The following GBF1 variants were observed in gnomAD, a reference collection of about 807,000 sequenced individuals.
GBF1 encodes Golgi-specific brefeldin A-resistance guanine nucleotide exchange factor 1.
In GBF1, 114 loss-of-function variants were observed where a neutral mutation model predicts 210.5. That is an observed-to-expected ratio of 0.54 (90% confidence interval 0.47 to 0.63). The LOEUF (loss-of-function observed/expected upper bound fraction) is 0.63. Among genes scored for constraint, GBF1 ranks in the 30% least tolerant of loss-of-function variants. The pLI is 0.00. For synonymous variants in GBF1, 850 were observed against 889.2 expected, an observed-to-expected ratio of 0.96 and a Z score of 0.78; for missense variants, 1,851 against 2,357.7, an observed-to-expected ratio of 0.79 and a Z score of 4.45.
chr10:102,366,933 A>G lies in GBF1; in HGVS notation c.2434-152A>G. The G allele has an allele frequency of 1.2e-6, 1 of 800,222 alleles. No homozygotes were observed. The allele number at this position is 800,222 out of a possible 1,614,324, so 49.6% of individuals were successfully genotyped here. On this transcript the variant is annotated intron_variant, in intron 19 of 39. Coordinates refer to ENST00000369983, the MANE Select transcript of GBF1 (RefSeq NM_001377137.1). The surrounding 1 kb of genome is among the most constrained non-coding windows in gnomAD (Gnocchi z 4.0). ...GAGCAAAATTAGTGACCTTTCCACA[A>G]AGAGATCAGCTTCTGTTAAGGAGTT...
At chr10:102,371,479 G>C (rs1261561426) in intron 29 of GBF1, among the ~76,000 whole-genome samples, 1 of 152,184 alleles carries the variant, frequency 6.6e-6, no homozygotes, top group East Asian at 1.9e-4. Context: ...GCTCAACATA[G>C]TAACTTTGTC....
intron 3 of GBF1, among the ~76,000 whole-genome samples, chr10:102,310,578 A>G (rs999593795): frequency 1.3e-5 from 2 of 152,210 alleles, no homozygotes; most frequent in Admixed American, 6.5e-5. Flanking sequence ...TTGCAGCATC[A>G]TTAACCTAGG....
At chr10:102,315,665 G>A (rs1212092006) in intron 3 of GBF1, among the ~76,000 whole-genome samples, 1 of 152,126 alleles carries the variant, frequency 6.6e-6, no homozygotes, top group Non-Finnish European at 1.5e-5. Context: ...AAAATCTAAT[G>A]TCGTCGCTAA....
chr10:102,239,320 T>C, the GBF1 span, among the ~76,000 whole-genome samples: 3 of 152,240 alleles, frequency 2.0e-5, no homozygotes, highest in African/African-American at 7.2e-5. Context: ...CTTTGGCCTT[T>C]TTGGCAAAAG....
chr10:102,322,607 TGTG>T (rs2056503102), intron 3 of GBF1, among the ~76,000 whole-genome samples: 1 of 150,742 alleles, frequency 6.6e-6, no homozygotes, highest in Admixed American at 6.7e-5. Flanking sequence ...TCTCCTTACA[TGTG>T]GTGTCTCATG....
rs1196780719 is a variant in GBF1, at chr10:102,376,421, G to A, written c.4036G>A (p.Gly1346Ser). 2 of 1,614,062 alleles carry A rather than the reference G, an allele frequency of 1.2e-6. No individual in the cohort carries two copies. The highest frequency in any genetic ancestry group is 2.2e-5 in the East Asian group (1 of 44,900). Residue 1346 changes from glycine to serine, a missense_variant, in exon 31 of 40, where the codon GGT becomes AGT. Gly to Ser is a moderately conservative substitution (Grantham distance 56). Coordinates refer to ENST00000369983, the MANE Select transcript of GBF1 (RefSeq NM_001377137.1). The part of the protein sequence containing the change: ...SATDADVVNS[G>S]WLVVGKDDVD... ...CACAGATGCCGATGTGGTCAACAGT[G>A]GTTGGTTAGTGGTGAGTGACAATAT... is the stretch of plus-strand genomic sequence containing the variant.
At position 102,366,407 on chromosome 10, in the gene GBF1, A is replaced by T. The variant is rs1396230743; in HGVS notation, c.2334A>T (p.Arg778=). 47 of 1,613,826 alleles carry T rather than the reference A, an allele frequency of 2.9e-5. No individual in the cohort carries two copies. Among genetic ancestry groups the T allele is most frequent in the Non-Finnish European group, 3.9e-5 (46 of 1,179,926 alleles). ...GCACCTTCAGTTTTCAGGGTCTGCG[A>T]CTGGACGAAGCCCTCCGCCTCTACC... The part of the protein sequence containing the change: ...FVSTFSFQGL[R]LDEALRLYLE... The change falls in exon 19 of 40, where the codon CGA becomes CGT. Residue 778 remains arginine, a synonymous_variant. Coordinates refer to ENST00000369983, the MANE Select transcript of GBF1 (RefSeq NM_001377137.1). The surrounding 1 kb of genome is among the most constrained non-coding windows in gnomAD (Gnocchi z 4.0).
At chr10:102,264,645 C>G (rs1027257847) in intron 3 of GBF1, among the ~76,000 whole-genome samples, 5 of 152,194 alleles carry the variant, frequency 3.3e-5, no homozygotes, top group Admixed American at 1.3e-4. Flanking sequence ...CCTTCTCCCC[C>G]CTCCCTGTCT....
At chr10:102,352,410 T>C in intron 6 of GBF1, 48 bp from the exon 7 acceptor site, 2 of 1,287,622 alleles carry the variant, frequency 1.6e-6, no homozygotes, top group South Asian at 1.2e-5. Context: ...CTCTTGATAA[T>C]AGCACAGCAA....
chr10:102,377,073 G>A lies in GBF1; in HGVS notation c.4427G>A (p.Ser1476Asn). The A allele has an allele frequency of 6.2e-7, 1 of 1,614,192 alleles. No homozygotes were observed. The highest frequency in any genetic ancestry group is 8.5e-7 in the Non-Finnish European group (1 of 1,180,026). Residue 1476 changes from serine (S) to asparagine (N), a missense_variant, in exon 33 of 40, where the codon AGT becomes AAT. Transcript: ENST00000369983. ...SSQHASRGGQ[S>N]DDDEDEGVPA... ...CAACATGCCTCTCGGGGCGGGCAGA[G>A]TGATGATGATGAGGACGAAGGCGTG... is the stretch of plus-strand genomic sequence containing the variant.
rs550290232 is a variant in GBF1 at position 102,363,904 on chromosome 10, G to A, written c.2106+106G>A. 54 of 686,186 alleles carry A rather than the reference G, an allele frequency of 7.9e-5. No individual in the cohort carries two copies. The highest frequency in any genetic ancestry group is 7.7e-4 in the Middle Eastern group (3 of 3,904). The allele number at this position is 686,186 out of a possible 1,614,324, so 42.5% of individuals were successfully genotyped here. A position where few individuals can be genotyped will look rare whatever the true frequency, so the allele number is the denominator to read the frequency against. ...GGAGAGTCTAGCACCTCATTGTACAGCTTCCTGAGGCCAGTCTTTGGGCTT... is the reference window on the plus strand; with the variant it reads ...GGAGAGTCTAGCACCTCATTGTACAACTTCCTGAGGCCAGTCTTTGGGCTT... On this transcript the variant is annotated intron_variant, in intron 17 of 39. Transcript: ENST00000369983. This position sits in a 1 kb window ranked among gnomAD's most constrained non-coding sequence, Gnocchi z 4.2.
intron 3 of GBF1, among the ~76,000 whole-genome samples, chr10:102,293,629 A>G (rs2076619395): frequency 6.6e-6 from 1 of 152,132 alleles, no homozygotes; most frequent in Non-Finnish European, 1.5e-5. Context: ...GACACTCTGT[A>G]GGCCTAGGCC....
the GBF1 span, among the ~76,000 whole-genome samples, chr10:102,240,365 G>A: frequency 6.6e-6 from 1 of 152,204 alleles, no homozygotes; most frequent in Non-Finnish European, 1.5e-5. Context: ...GAATTGAAGG[G>A]GGCATGTGTC....
At chr10:102,372,112 G>A (rs1166225760) in intron 29 of GBF1, among the ~76,000 whole-genome samples, 3 of 151,558 alleles carry the variant, frequency 2.0e-5, no homozygotes, top group African/African-American at 4.9e-5. Flanking sequence ...TCGGGAGGCT[G>A]AGGCAGGAGA....
chr10:102,295,125 A>C (rs1406689366), intron 3 of GBF1, among the ~76,000 whole-genome samples: 2 of 152,218 alleles, frequency 1.3e-5, no homozygotes. Flanking sequence ...AGTTTTTCAG[A>C]TTAAAGGATA....
the GBF1 span, among the ~76,000 whole-genome samples, chr10:102,237,457 G>A: frequency 6.6e-6 from 1 of 152,140 alleles, no homozygotes; most frequent in Non-Finnish European, 1.5e-5. Context: ...AGAGAAACGA[G>A]TCAAACCGAG....
At chr10:102,294,246 A>G (rs1414569032) in intron 3 of GBF1, among the ~76,000 whole-genome samples, 3 of 152,218 alleles carry the variant, frequency 2.0e-5, no homozygotes, top group Non-Finnish European at 2.9e-5. Flanking sequence ...TAAAGTTTGC[A>G]GCAGCATACA....
At chr10:102,267,224 G>A (rs928777647) in intron 3 of GBF1, among the ~76,000 whole-genome samples, 6 of 152,184 alleles carry the variant, frequency 3.9e-5, no homozygotes, top group Non-Finnish European at 7.3e-5. Context: ...TATTATATGT[G>A]CCAGGCATGG....
intron 3 of GBF1, among the ~76,000 whole-genome samples, chr10:102,329,885 G>T (rs2134298582): frequency 6.6e-6 from 1 of 152,202 alleles, no homozygotes; most frequent in East Asian, 1.9e-4. Flanking sequence ...GAGGCAGGAG[G>T]ATCATTTAAG....
Sources: gnomAD v4.1 joint callset for allele counts (sites outside exome capture counted in the v4.1 genomes callset) on GRCh38, gnomAD v4.1.1 for gene constraint, Gnocchi (gnomAD v3.1) non-coding constraint, MANE v1.5 for transcripts, NCBI Gene and HGNC (gene_info 2026-07-23, HGNC 2026-07-21) for gene names.